Variants in IL12RB2 observed in about 807,000 individuals in gnomAD.
IL12RB2 encodes interleukin 12 receptor subunit beta 2.
In IL12RB2, 82 loss-of-function variants were observed where a neutral mutation model predicts 89.4. The observed-to-expected ratio is 0.92, with a 90% CI of 0.77 to 1.10. The LOEUF (loss-of-function observed/expected upper bound fraction) is 1.10. IL12RB2 is among the 50% of genes least tolerant of loss of function. The probability of loss-of-function intolerance (pLI) is 0.00; values close to 1 mark genes in which losing one functional copy is unlikely to be tolerated. For missense variants in IL12RB2, 963 were observed against 1,031.9 expected, an observed-to-expected ratio of 0.93 and a Z score of 0.92; for synonymous variants, 368 against 370.1, an observed-to-expected ratio of 0.99 and a Z score of 0.07.
rs1262392019 is a variant in IL12RB2 at position 67,397,147 on chromosome 1, AG to A, written c.*1059del. ...GTCTCAAAAAAGAAAAAAAAAAAAA[AG>A]AATGTACCTTTTTCCTAGATTTGCT... On this transcript the variant is annotated 3_prime_UTR_variant, in exon 17 of 17. Coordinates refer to ENST00000674203, the MANE Select transcript of IL12RB2 (RefSeq NM_001374259.2). Among the ~76,000 whole-genome samples, 2 of 151,864 alleles carry A rather than the reference AG, an allele frequency of 1.3e-5. No homozygotes were observed. The highest frequency in any genetic ancestry group is 4.8e-5 in the African/African-American group (2 of 41,336).
intron 8 of IL12RB2, 116 bp downstream of exon 8, chr1:67,330,926 A>G (rs1657997765): frequency 2.6e-6 from 2 of 757,436 alleles, no homozygotes; most frequent in Non-Finnish European, 4.8e-6. Context: ...ATCAAAAAGC[A>G]TGACTGCATT....
chr1:67,365,524 G>A (rs1278427247), intron 10 of IL12RB2, among the ~76,000 whole-genome samples: 6 of 152,144 alleles, frequency 3.9e-5, no homozygotes, highest in Non-Finnish European at 5.9e-5. Flanking sequence ...CTGTGCCCAC[G>A]AATTTGATAA....
intron 10 of IL12RB2, among the ~76,000 whole-genome samples, chr1:67,355,273 G>C (rs993201550): frequency 1.3e-5 from 2 of 152,098 alleles, no homozygotes; most frequent in South Asian, 4.2e-4. Flanking sequence ...AATTAGCCAG[G>C]TGTGGTAGTG....
chr1:67,348,336 G>A (rs948995261), intron 9 of IL12RB2, among the ~76,000 whole-genome samples: 2 of 152,068 alleles, frequency 1.3e-5, no homozygotes, highest in Non-Finnish European at 2.9e-5. Flanking sequence ...TATGAAACAC[G>A]GCTGCCCACA....
intron 10 of IL12RB2, among the ~76,000 whole-genome samples, chr1:67,366,516 A>G (rs1662698321): frequency 1.3e-5 from 2 of 151,892 alleles, no homozygotes; most frequent in Non-Finnish European, 2.9e-5. Flanking sequence ...ACAATTAAAT[A>G]CCACTTTATA....
At chr1:67,392,623 C>CT (rs527587132) in intron 16 of IL12RB2, among the ~76,000 whole-genome samples, 5,752 of 84,290 alleles carry the variant, frequency 0.068, 717 homozygotes, top group African/African-American at 0.1. Context: ...TTTTAGATAT[C>CT]TTTTTTTTTT....
chr1:67,326,787 G>A lies in IL12RB2; in HGVS notation c.417G>A (p.Gly139=). 1.2e-6 allele frequency: 2 copies of A among 1,613,972 alleles called. No individual in the cohort carries two copies. ...NLSCIQKGEQ[G]TVACTWERGR... ...CCTGCATACAGAAGGGAGAACAGGG[G>A]ACTGTGGCCTGCACCTGGGAAAGAG... Residue 139 remains glycine, a synonymous_variant, in exon 5 of 17, where the codon GGG becomes GGA. Coordinates refer to ENST00000674203, the MANE Select transcript of IL12RB2 (RefSeq NM_001374259.2).
intron 4 of IL12RB2, among the ~76,000 whole-genome samples, chr1:67,322,501 G>A (rs1397970007): frequency 6.6e-6 from 1 of 150,752 alleles, no homozygotes; most frequent in East Asian, 2.0e-4. Context: ...GGGCAGAGGA[G>A]TTACACAGCC....
chr1:67,337,901 T>TAAAAAA (rs11449571), intron 8 of IL12RB2, among the ~76,000 whole-genome samples: 5 of 132,236 alleles, frequency 3.8e-5, no homozygotes, highest in East Asian at 4.4e-4. Context: ...TGCATTCTAG[T>TAAAAAA]AAAAAAAAAA....
At chr1:67,377,188 A>G (rs1202038341) in intron 13 of IL12RB2, among the ~76,000 whole-genome samples, 2 of 152,190 alleles carry the variant, frequency 1.3e-5, no homozygotes, top group East Asian at 3.8e-4. Flanking sequence ...TTTCCCCATT[A>G]GATAGTGGAC....
Position 67,397,227 on chromosome 1 carries a change from G to T in IL12RB2, c.*1138G>T, listed in dbSNP as rs537978779. On this transcript the variant is annotated 3_prime_UTR_variant, in exon 17 of 17. Transcript: ENST00000674203. ...TCTTTCAGCAAATCAAGGGCAGCTG[G>T]ATGGTGAAGACCTATATTGTAAACT... Among the ~76,000 whole-genome samples the T allele has an allele frequency of 6.6e-6, 1 of 152,208 alleles. No individual in the cohort carries two copies. The highest frequency in any genetic ancestry group is 1.9e-4 in the East Asian group (1 of 5,178).
chr1:67,374,773 G>A (rs1331929409), intron 13 of IL12RB2, among the ~76,000 whole-genome samples: 2 of 112,976 alleles, frequency 1.8e-5, no homozygotes, highest in Non-Finnish European at 3.4e-5. Flanking sequence ...ACCCAGCCCA[G>A]CCTCTTTTTT....
intron 10 of IL12RB2, among the ~76,000 whole-genome samples, chr1:67,359,202 C>T (rs192523374): frequency 6.6e-6 from 1 of 152,066 alleles, no homozygotes; most frequent in East Asian, 1.9e-4. Flanking sequence ...TCCAAAAAAG[C>T]CCCAGCCCCA....
rs747732697 is a variant in IL12RB2 at position 67,395,666 on chromosome 1, C to G, written c.2166C>G (p.Pro722=). 16 of 1,614,224 alleles carry G rather than the reference C, an allele frequency of 9.9e-6. No homozygotes were observed. In the South Asian group the frequency reaches 1.8e-4, roughly 18 times the overall value. ...TGACCCCAGTTTTCAGACATCCCCC[C>G]TGCTCCAACTGGCCACAAAGGGAAA... ...HQVTPVFRHP[P]CSNWPQREKG... The change falls in exon 17 of 17, where the codon CCC becomes CCG. Residue 722 remains proline (P), a synonymous_variant. Coordinates refer to ENST00000674203, the MANE Select transcript of IL12RB2 (RefSeq NM_001374259.2).
At chr1:67,385,836 C>T (rs1179647557) in intron 14 of IL12RB2, among the ~76,000 whole-genome samples, 2 of 152,190 alleles carry the variant, frequency 1.3e-5, no homozygotes, top group Non-Finnish European at 2.9e-5. Context: ...GACACACTGC[C>T]ATGTGCTTTA....
chr1:67,374,777 CTTTTTTTTTTTTTT>C (rs35122967), intron 13 of IL12RB2, among the ~76,000 whole-genome samples: 4 of 53,866 alleles, frequency 7.4e-5, no homozygotes, highest in Admixed American at 5.8e-4. Flanking sequence ...AGCCCAGCCT[CTTTTTTTTTTTTTT>C]TTTTTTTTTT....
At chr1:67,381,442 T>A (rs1664562661) in intron 14 of IL12RB2, among the ~76,000 whole-genome samples, 1 of 152,112 alleles carries the variant, frequency 6.6e-6, no homozygotes, top group Non-Finnish European at 1.5e-5. Context: ...TGACAAGACT[T>A]CTTCTTATCT....
chr1:67,394,094 G>A lies in IL12RB2; in HGVS notation c.2047-1453G>A, dbSNP rs137992179. Among the ~76,000 whole-genome samples, 156 of 152,280 alleles carry A rather than the reference G, an allele frequency of 1.0e-3. 1 individual carries two copies. The highest frequency in any genetic ancestry group is 0.01 in the Middle Eastern group (3 of 294). On this transcript the variant is annotated intron_variant, in intron 16 of 16. Transcript: ENST00000674203. ...GCACACACAAGCAGGGTGAAGGCCG[G>A]CAGTGGAAGCAAAAGTGTGTGGGGC... is the stretch of plus-strand genomic sequence containing the variant.
intron 13 of IL12RB2, among the ~76,000 whole-genome samples, chr1:67,376,083 T>C (rs1024154632): frequency 6.6e-6 from 1 of 152,026 alleles, no homozygotes; most frequent in African/African-American, 2.4e-5. Context: ...CCTGACCTCG[T>C]GATCTGCCCA....
Sources: gnomAD v4.1 joint callset for allele counts (sites outside exome capture counted in the v4.1 genomes callset) on GRCh38, gnomAD v4.1.1 for gene constraint, MANE v1.5 for transcripts, NCBI Gene and HGNC (gene_info 2026-07-23, HGNC 2026-07-21) for gene names.